Variants in KIR3DL2 observed in about 807,000 individuals in gnomAD.
KIR3DL2 encodes killer cell immunoglobulin-like receptor 3DL2.
Under a neutral mutation model 41.6 loss-of-function variants are expected in KIR3DL2, and 42 were observed. The observed-to-expected ratio is 1.01, with a 90% CI of 0.79 to 1.31. The LOEUF is 1.31. Ranked by LOEUF, KIR3DL2 falls within the 50% of genes most tolerant of loss-of-function variation. KIR3DL2 has a pLI of 0.00. For missense variants in KIR3DL2, 728 were observed against 576.8 expected (o/e 1.26, Z -2.68); for synonymous variants, 230 against 221.3 (o/e 1.04, Z -0.35).
chr19:54,857,045 A>G (rs1411709895), intron 5 of KIR3DL2, among the ~76,000 whole-genome samples: 2 of 151,924 alleles, frequency 1.3e-5, no homozygotes, highest in African/African-American at 4.8e-5. Flanking sequence ...TCCTTTGGAT[A>G]TAAACCCAGT....
chr19:54,854,150 T>G, intron 4 of KIR3DL2, 104 bp downstream of exon 4: 2 of 1,387,752 alleles, frequency 1.4e-6, no homozygotes, highest in Non-Finnish European at 2.0e-6. Flanking sequence ...CGTGGGATTC[T>G]TATGGAGAGA....
At position 54,865,068 on chromosome 19, in the gene KIR3DL2, G is replaced by A. The variant is rs193275069; in HGVS notation, c.1001-737G>A. ...ATTTATTGAGAGTTTTTAGCATGAA[G>A]CGTTGTTGAATTTTGTCAAAGGCCT... On this transcript the variant is annotated intron_variant, in intron 6 of 8. Transcript: ENST00000326321. Among the ~76,000 whole-genome samples the A allele has an allele frequency of 1.6e-3, 251 of 152,136 alleles. 1 individual carries two copies. Among genetic ancestry groups the A allele is most frequent in the African/African-American group, 4.6e-3 (192 of 41,540 alleles).
chr19:54,853,689 T>C, intron 3 of KIR3DL2, 58 bp from the exon 4 acceptor site: 1 of 1,568,704 alleles, frequency 6.4e-7, no homozygotes, highest in Non-Finnish European at 8.7e-7. Flanking sequence ...TCATTCCAGG[T>C]GCCATGGATG....
intron 6 of KIR3DL2, 114 bp from the exon 7 acceptor site, chr19:54,865,691 G>A: frequency 1.1e-6 from 1 of 901,260 alleles, no homozygotes; most frequent in Admixed American, 2.0e-5. Context: ...CCGCCATCAG[G>A]CTGCTTGTCC....
rs1295336515 is a variant in KIR3DL2, at chr19:54,852,465, T to G, written c.355+183T>G. Among the ~76,000 whole-genome samples, 11 of 151,388 alleles carry G rather than the reference T, an allele frequency of 7.3e-5. 1 individual carries two copies. Among genetic ancestry groups the G allele is most frequent in the African/African-American group, 2.7e-4 (11 of 40,806 alleles). ...TAACTGTCGCCAATGATGGCTACAT[T>G]GTAAACCCTGGAGCCTGTGACTATT... On this transcript the variant is annotated intron_variant, in intron 3 of 8. Coordinates refer to ENST00000326321, the MANE Select transcript of KIR3DL2 (RefSeq NM_006737.4).
intron 6 of KIR3DL2, among the ~76,000 whole-genome samples, chr19:54,864,711 T>C (rs1479475665): frequency 6.6e-6 from 1 of 152,110 alleles, no homozygotes; most frequent in African/African-American, 2.4e-5. Context: ...TGATTCTGTA[T>C]CCTGAGACTT....
At chr19:54,852,667 G>A (rs199598157) in intron 3 of KIR3DL2, among the ~76,000 whole-genome samples, 6,164 of 151,076 alleles carry the variant, frequency 0.041, 221 homozygotes, top group East Asian at 0.087. Flanking sequence ...GGAGGGAGAC[G>A]CTATCAGCCA....
Position 54,865,855 on chromosome 19 carries a change from C to G in KIR3DL2, c.1051C>G (p.Leu351Val). The G allele has an allele frequency of 1.9e-6, 3 of 1,613,888 alleles. No homozygotes were observed. The highest frequency in any genetic ancestry group is 2.2e-5 in the East Asian group (1 of 44,878). The change falls in exon 7 of 9, where the codon CTC becomes GTC. Residue 351 changes from leucine to valine, a missense_variant. Physicochemically the swap from Leu to Val is conservative, Grantham distance 32. Transcript: ENST00000326321. ...VLIGTSVVIF[L>V]FILLLFFLLY... ...GATTGGGACCTCAGTGGTCATCTTC[C>G]TCTTCATCCTCCTCCTCTTCTTTCT...
rs200196327 is a variant in KIR3DL2, at chr19:54,857,280, G to A, written c.949+1368G>A. Among the ~76,000 whole-genome samples the A allele has an allele frequency of 2.3e-4, 35 of 151,366 alleles. 1 individual carries two copies. The East Asian group carries it at 5.8e-3, about 25-fold the overall frequency. On this transcript the variant is annotated intron_variant, in intron 5 of 8. Coordinates refer to ENST00000326321, the MANE Select transcript of KIR3DL2 (RefSeq NM_006737.4). ...AATTCTTGTATTTTTTAGCACAGAC[G>A]GGATATCCCAATTTTGGGCAGGCTG...
rs775942113 is a variant in KIR3DL2 at position 54,866,583 on chromosome 19, T to A, written c.1220T>A (p.Ile407Lys). ...GCACAGTTGGATCACTGCGTTTTCA[T>A]ACAGAGAAAAATCAGTCGCCCTTCT... ...TYAQLDHCVF[I>K]QRKISRPSQR... Residue 407 changes from isoleucine to lysine, a missense_variant, in exon 9 of 9, where the codon ATA becomes AAA. Ile to Lys is a moderately radical substitution (Grantham distance 102). Coordinates refer to ENST00000326321, the MANE Select transcript of KIR3DL2 (RefSeq NM_006737.4). 1 of 1,613,922 alleles carries A rather than the reference T, an allele frequency of 6.2e-7. No homozygotes were observed. Among genetic ancestry groups the A allele is most frequent in the South Asian group, 1.1e-5 (1 of 91,070 alleles).
chr19:54,857,901 A>C (rs1164019264), intron 5 of KIR3DL2, among the ~76,000 whole-genome samples: 18 of 151,858 alleles, frequency 1.2e-4, no homozygotes, highest in Non-Finnish European at 2.5e-4. Context: ...CATTTCTGTG[A>C]TGATGAGTGA....
At chr19:54,852,753 G>T (rs2064389667) in intron 3 of KIR3DL2, among the ~76,000 whole-genome samples, 1 of 150,426 alleles carries the variant, frequency 6.6e-6, no homozygotes, top group African/African-American at 2.5e-5. Flanking sequence ...GAAGTCAAGA[G>T]AACTGATTTG....
chr19:54,864,619 A>C (rs2065384010), intron 6 of KIR3DL2, among the ~76,000 whole-genome samples: 1 of 151,938 alleles, frequency 6.6e-6, no homozygotes, highest in Admixed American at 6.6e-5. Flanking sequence ...CTTTGAAGCA[A>C]TTGTGAATGG....
intron 1 of KIR3DL2, among the ~76,000 whole-genome samples, chr19:54,850,967 TGGAGTGGA>T: frequency 2.2e-5 from 3 of 133,886 alleles, no homozygotes; most frequent in Admixed American, 1.5e-4. Context: ...GATATGGGCC[TGGAGTGGA>T]GATAGGGGCC....
At chr19:54,851,480 C>T (rs2064232417) in intron 2 of KIR3DL2, among the ~76,000 whole-genome samples, 3 of 151,088 alleles carry the variant, frequency 2.0e-5, no homozygotes, top group Admixed American at 2.0e-4. Context: ...CTGGGGTGTG[C>T]AGGGAGGAAG....
Position 54,851,221 on chromosome 19 carries a change from G to T in KIR3DL2, c.36G>T (p.Gly12=). 1.2e-6 allele frequency: 2 copies of T among 1,610,690 alleles called. No individual in the cohort carries two copies. Among genetic ancestry groups the T allele is most frequent in the Non-Finnish European group, 1.7e-6 (2 of 1,178,640 alleles). ...GTCTATCATGATCTTTCTTTCCAGG[G>T]TTCTTCTTGCTGCAGGGGGCCTGGC... is the stretch of plus-strand genomic sequence containing the variant. ...SLTVVSMACV[G]FFLLQGAWPL... is the part of the protein sequence containing the mutation. The change falls in exon 2 of 9, where the codon GGG becomes GGT. Residue 12 remains glycine, a splice_region_variant and synonymous_variant. Coordinates refer to ENST00000326321, the MANE Select transcript of KIR3DL2 (RefSeq NM_006737.4).
chr19:54,863,997 G>A lies in KIR3DL2; in HGVS notation c.1001-1808G>A, dbSNP rs563479648. 4.0e-3 allele frequency among the ~76,000 whole-genome samples: 612 copies of A among 152,002 alleles called. 6 individuals carry two copies. The highest frequency in any genetic ancestry group is 0.014 in the African/African-American group (597 of 41,460). On this transcript the variant is annotated intron_variant, in intron 6 of 8. Transcript: ENST00000326321. ...GGGTTTTTATGGTTTTAGGTCTAAC[G>A]TTTAAGTCTTTAATCCATCTCAAAT...
chr19:54,855,626 T>C lies in KIR3DL2; in HGVS notation c.663T>C (p.Tyr221=). 2 of 1,612,834 alleles carry C rather than the reference T, an allele frequency of 1.2e-6. No homozygotes were observed. The highest frequency in any genetic ancestry group is 1.3e-5 in the African/African-American group (1 of 74,452). The change falls in exon 5 of 9, where the codon TAT becomes TAC. Residue 221 remains tyrosine, a synonymous_variant. Coordinates refer to ENST00000326321, the MANE Select transcript of KIR3DL2 (RefSeq NM_006737.4). ...DPLDIVITGL[Y]EKPSLSAQPG... ...TGCCTCTTCTCCTTCCAGGTCTATA[T>C]GAGAAACCTTCTCTCTCAGCCCAGC...
chr19:54,853,706 T>C (rs1245383186), intron 3 of KIR3DL2, 41 bp from the exon 4 acceptor site: 1 of 1,595,366 alleles, frequency 6.3e-7, no homozygotes, highest in African/African-American at 1.4e-5. Context: ...GATGGGATGA[T>C]AAAGAGAGAT....
Sources: allele counts gnomAD v4.1 joint callset (sites outside exome capture counted in the v4.1 genomes callset), GRCh38; gene constraint gnomAD v4.1.1; transcripts MANE v1.5; gene names NCBI Gene and HGNC (gene_info 2026-07-23, HGNC 2026-07-21).